The following CTNND2 variants were observed in gnomAD, a reference collection of about 807,000 sequenced individuals.
CTNND2 encodes the protein catenin delta 2.
A neutral mutation model predicts 144.4 loss-of-function variants in CTNND2; 22 were observed. The ratio of observed to expected loss-of-function variants is 0.15; its 90% CI spans 0.11 to 0.22. The LOEUF (loss-of-function observed/expected upper bound fraction) is 0.22, where lower values mean the gene tolerates loss of function less well. Among genes scored for constraint, CTNND2 ranks in the 10% least tolerant of loss-of-function variants. The pLI, the probability that CTNND2 is intolerant of heterozygous loss-of-function variation, is 1.00. For missense variants in CTNND2, 1,353 were observed against 1,618.8 expected (o/e 0.84, Z 2.82); for synonymous variants, 751 against 695.6 (o/e 1.08, Z -1.25).
chr5:11,165,651 T>C (rs565082700), intron 11 of CTNND2, among the ~76,000 whole-genome samples: 2 of 152,314 alleles, frequency 1.3e-5, no homozygotes, highest in South Asian at 2.1e-4. Context: ...GAAAGTTTAA[T>C]TGCGAAGACA....
intron 1 of CTNND2, among the ~76,000 whole-genome samples, chr5:11,825,566 G>A (rs2126950729): frequency 6.6e-6 from 1 of 152,098 alleles, no homozygotes; most frequent in Non-Finnish European, 1.5e-5. Context: ...AATAAATCAA[G>A]AAGAGACAAC....
At chr5:11,370,268 T>C (rs1054232092) in intron 7 of CTNND2, among the ~76,000 whole-genome samples, 1 of 151,910 alleles carries the variant, frequency 6.6e-6, no homozygotes, top group Non-Finnish European at 1.5e-5. Flanking sequence ...CTAGAAAACT[T>C]GCTGAAAATG....
chr5:11,350,761 A>G (rs1755247821), intron 8 of CTNND2, among the ~76,000 whole-genome samples: 3 of 152,236 alleles, frequency 2.0e-5, no homozygotes, highest in African/African-American at 7.2e-5. Flanking sequence ...ATATAATCAT[A>G]CAGAAGAAAA....
intron 9 of CTNND2, among the ~76,000 whole-genome samples, chr5:11,338,923 C>CTTT: frequency 3.0e-4 from 2 of 6,706 alleles, no homozygotes; most frequent in Non-Finnish European, 2.1e-4. Context: ...ACAGTTCCTT[C>CTTT]ATTTTTTTTT....
At chr5:11,692,432 G>C (rs1784951587) in intron 2 of CTNND2, among the ~76,000 whole-genome samples, 1 of 152,164 alleles carries the variant, frequency 6.6e-6, no homozygotes, top group African/African-American at 2.4e-5. Context: ...TGGCTTTCTT[G>C]ATATTACATT....
At chr5:11,667,249 T>A (rs1372580429) in intron 2 of CTNND2, among the ~76,000 whole-genome samples, 1 of 152,118 alleles carries the variant, frequency 6.6e-6, no homozygotes, top group Non-Finnish European at 1.5e-5. Flanking sequence ...GTCTTTATAG[T>A]AGAATGATTT....
At chr5:11,558,692 G>C (rs1368280340) in intron 3 of CTNND2, among the ~76,000 whole-genome samples, 1 of 152,090 alleles carries the variant, frequency 6.6e-6, no homozygotes. Context: ...GGTATACACA[G>C]GTGCTGGGTG....
chr5:11,446,822 G>A (rs1329872979), intron 3 of CTNND2, among the ~76,000 whole-genome samples: 1 of 152,106 alleles, frequency 6.6e-6, no homozygotes, highest in East Asian at 1.9e-4. Context: ...CTTGAGCAAG[G>A]GGGCCGTGGA....
At chr5:11,595,260 G>A (rs1779446622) in intron 2 of CTNND2, among the ~76,000 whole-genome samples, 1 of 152,136 alleles carries the variant, frequency 6.6e-6, no homozygotes, top group Non-Finnish European at 1.5e-5. Context: ...GCCTTGTAGT[G>A]ACAAGTACTC....
At chr5:11,687,782 A>G (rs1242050941) in intron 2 of CTNND2, among the ~76,000 whole-genome samples, 1 of 152,204 alleles carries the variant, frequency 6.6e-6, no homozygotes, top group Non-Finnish European at 1.5e-5. Context: ...TGTTGGAAGT[A>G]AAAACTCCCA....
chr5:11,467,650 G>T (rs186983966), intron 3 of CTNND2, among the ~76,000 whole-genome samples: 29 of 152,308 alleles, frequency 1.9e-4, no homozygotes, highest in African/African-American at 6.3e-4. Context: ...AAAGAAAAGG[G>T]TGACTTGGGC....
At chr5:11,709,209 C>T (rs1055398445) in intron 2 of CTNND2, among the ~76,000 whole-genome samples, 16 of 152,176 alleles carry the variant, frequency 1.1e-4, no homozygotes, top group Non-Finnish European at 2.2e-4. Context: ...TCAGCTTTCC[C>T]ACTTCTACAG....
chr5:11,878,604 T>C (rs943211761), intron 1 of CTNND2, among the ~76,000 whole-genome samples: 1 of 152,232 alleles, frequency 6.6e-6, no homozygotes, highest in Non-Finnish European at 1.5e-5. Context: ...TAGATGTTAT[T>C]TCCGGAATCC....
chr5:11,564,901 G>T lies in CTNND2; in HGVS notation c.287+43C>A, dbSNP rs766797467. The stretch of plus-strand genomic sequence containing the variant: ...GAGAAACATCACGATTTACTTGCAG[G>T]GGCAACTCAAAGCACAGACAATGAA... On this transcript the variant is annotated intron_variant, in intron 3 of 21. Transcript: ENST00000304623. 11 of 1,323,704 alleles carry T rather than the reference G, an allele frequency of 8.3e-6. No individual in the cohort carries two copies. The Admixed American group carries it at 1.6e-4, about 19-fold the overall frequency. The allele number at this position is 1,323,704 out of a possible 1,614,324, so 82.0% of individuals were successfully genotyped here.
Position 11,775,035 on chromosome 5 carries a change from C to G in CTNND2, c.38-42763G>C, listed in dbSNP as rs1048520360. ...ACTTTATAGTCACAGTCATCAAAGA[C>G]AGCCAAACAGAGCTGGGCGGGGGGG... On this transcript the variant is annotated intron_variant, in intron 1 of 21. Transcript: ENST00000304623. Among the ~76,000 whole-genome samples, 5 of 152,218 alleles carry G rather than the reference C, an allele frequency of 3.3e-5. No individual in the cohort carries two copies. The East Asian group carries it at 9.7e-4, about 30-fold the overall frequency.
At chr5:11,077,036 T>G (rs536222510) in intron 16 of CTNND2, among the ~76,000 whole-genome samples, 26 of 152,194 alleles carry the variant, frequency 1.7e-4, no homozygotes, top group Non-Finnish European at 3.5e-4. Context: ...TTTTTTAAGT[T>G]AATGTTTTAT....
chr5:11,719,318 G>C (rs1323791956), intron 2 of CTNND2, among the ~76,000 whole-genome samples: 1 of 152,122 alleles, frequency 6.6e-6, no homozygotes, highest in Non-Finnish European at 1.5e-5. Flanking sequence ...TCTGTGTCAT[G>C]GCAGAAGCCA....
At chr5:11,408,267 C>T (rs1761247057) in intron 5 of CTNND2, among the ~76,000 whole-genome samples, 1 of 152,104 alleles carries the variant, frequency 6.6e-6, no homozygotes, top group Non-Finnish European at 1.5e-5. Flanking sequence ...AATATATATA[C>T]ACAGAGCAAT....
intron 7 of CTNND2, 137 bp from the exon 8 acceptor site, chr5:11,365,027 A>G (rs138511227): frequency 1.1e-5 from 8 of 696,238 alleles, no homozygotes; most frequent in African/African-American, 1.1e-4. Flanking sequence ...ATGAAATGGC[A>G]GCAATATGTC....
Sources: gnomAD v4.1 joint callset for allele counts (sites outside exome capture counted in the v4.1 genomes callset) on GRCh38, gnomAD v4.1.1 for gene constraint, MANE v1.5 for transcripts, NCBI Gene and HGNC (gene_info 2026-07-23, HGNC 2026-07-21) for gene names.